OTUD7A: variants seen among roughly 807,000 people sequenced by gnomAD.
The protein encoded by OTUD7A is OTU deubiquitinase 7A.
Under a neutral mutation model 65.7 loss-of-function variants are expected in OTUD7A, and 12 were observed. The ratio of observed to expected loss-of-function variants is 0.18; its 90% CI spans 0.12 to 0.30. OTUD7A has a LOEUF of 0.30. Among genes scored for constraint, OTUD7A ranks in the 10% least tolerant of loss-of-function variants. The pLI is 1.00. For missense variants in OTUD7A, 1,148 were observed against 1,304.8 expected (o/e 0.88, Z 1.85); for synonymous variants, 641 against 586.3 (o/e 1.09, Z -1.35).
At chr15:31,710,422 C>T (rs1893412650) in intron 1 of OTUD7A, among the ~76,000 whole-genome samples, 1 of 150,720 alleles carries the variant, frequency 6.6e-6, no homozygotes, top group African/African-American at 2.4e-5. Context: ...ACCACTGGGC[C>T]ACCAGGACAT....
chr15:31,853,424 G>A (rs1266625602), intron 1 of OTUD7A, among the ~76,000 whole-genome samples: 1 of 152,200 alleles, frequency 6.6e-6, no homozygotes, highest in African/African-American at 2.4e-5. Flanking sequence ...CAAGGAGACA[G>A]ACACAACCAC....
chr15:31,581,769 G>A (rs1889380020), intron 3 of OTUD7A, among the ~76,000 whole-genome samples: 1 of 152,244 alleles, frequency 6.6e-6, no homozygotes, highest in Non-Finnish European at 1.5e-5. Flanking sequence ...CCTGTGATGG[G>A]AGAGGCTGCT....
chr15:31,730,857 T>C (rs556960774), intron 1 of OTUD7A, among the ~76,000 whole-genome samples: 1 of 152,270 alleles, frequency 6.6e-6, no homozygotes, highest in Non-Finnish European at 1.5e-5. Flanking sequence ...GTGATGGACA[T>C]GATGGAGGGA....
At chr15:31,785,930 T>C (rs929838421) in intron 1 of OTUD7A, among the ~76,000 whole-genome samples, 3 of 152,104 alleles carry the variant, frequency 2.0e-5, no homozygotes, top group African/African-American at 7.2e-5. Context: ...AACCTAATTC[T>C]CAATGTGGCA....
At chr15:31,693,627 C>T (rs1202810813) in intron 1 of OTUD7A, among the ~76,000 whole-genome samples, 1 of 152,116 alleles carries the variant, frequency 6.6e-6, no homozygotes, top group East Asian at 1.9e-4. Flanking sequence ...AGGGAGTGTG[C>T]TAACGCTGTG....
chr15:31,704,706 A>C (rs144598471), intron 1 of OTUD7A, among the ~76,000 whole-genome samples: 2,060 of 152,154 alleles, frequency 0.014, 56 homozygotes, highest in African/African-American at 0.048. Flanking sequence ...AAAGAAAATG[A>C]AGTCAGACCC....
At chr15:31,860,506 A>C (rs1215972192) in intron 1 of OTUD7A, among the ~76,000 whole-genome samples, 1 of 151,394 alleles carries the variant, frequency 6.6e-6, no homozygotes, top group Non-Finnish European at 1.5e-5. Flanking sequence ...AAAATAATGC[A>C]TGAGCTTCTC....
intron 3 of OTUD7A, among the ~76,000 whole-genome samples, chr15:31,619,511 GTATTT>G (rs1890707859): frequency 6.6e-6 from 1 of 151,820 alleles, no homozygotes; most frequent in Non-Finnish European, 1.5e-5. Context: ...GGATTCCTAG[GTATTT>G]TATTCTCTTT....
chr15:31,563,043 T>C (rs1235303228), intron 4 of OTUD7A, among the ~76,000 whole-genome samples: 1 of 152,192 alleles, frequency 6.6e-6, no homozygotes, highest in South Asian at 2.1e-4. Flanking sequence ...AATAGGATTA[T>C]GCTGGGATAG....
chr15:31,737,787 G>A (rs1894232272), intron 1 of OTUD7A, among the ~76,000 whole-genome samples: 1 of 152,190 alleles, frequency 6.6e-6, no homozygotes, highest in African/African-American at 2.4e-5. Flanking sequence ...CAGCATTCGA[G>A]AAAGAAATTA....
intron 1 of OTUD7A, among the ~76,000 whole-genome samples, chr15:31,856,399 TTTTTTTCATGAAAAA>T (rs1166500299): frequency 6.6e-6 from 1 of 152,086 alleles, no homozygotes; most frequent in Admixed American, 6.6e-5. Context: ...AATATTAGAT[TTTTTTTCATGAAAAA>T]TAAATAAGCA....
At chr15:31,648,514 G>A (rs1891743280) in intron 3 of OTUD7A, among the ~76,000 whole-genome samples, 1 of 152,160 alleles carries the variant, frequency 6.6e-6, no homozygotes, top group Non-Finnish European at 1.5e-5. Context: ...ATTTCTTCCT[G>A]AGGGGCCTGG....
intron 5 of OTUD7A, among the ~76,000 whole-genome samples, chr15:31,545,821 A>G (rs546502839): frequency 9.8e-5 from 15 of 152,336 alleles, no homozygotes; most frequent in African/African-American, 3.6e-4. Flanking sequence ...GACAACTGTT[A>G]TAATGCTGAA....
At chr15:31,829,734 G>C (rs1896885221) in intron 1 of OTUD7A, among the ~76,000 whole-genome samples, 1 of 152,162 alleles carries the variant, frequency 6.6e-6, no homozygotes, top group Non-Finnish European at 1.5e-5. Context: ...CATCCAAAAT[G>C]ATTCTGGCAC....
intron 3 of OTUD7A, among the ~76,000 whole-genome samples, chr15:31,638,375 T>C (rs1281166530): frequency 1.6e-5 from 2 of 122,516 alleles, no homozygotes; most frequent in East Asian, 2.9e-4. Context: ...AGTATAAAGA[T>C]AACTTTTTTT....
chr15:31,826,384 C>T (rs1465777526), intron 1 of OTUD7A, among the ~76,000 whole-genome samples: 1 of 152,242 alleles, frequency 6.6e-6, no homozygotes, highest in Non-Finnish European at 1.5e-5. Flanking sequence ...CACAGCAGAG[C>T]TCTGCGTTGG....
intron 3 of OTUD7A, among the ~76,000 whole-genome samples, chr15:31,588,866 A>G (rs1231388814): frequency 6.6e-6 from 1 of 152,204 alleles, no homozygotes; most frequent in African/African-American, 2.4e-5. Flanking sequence ...AGGGATTGCT[A>G]CTCAGAGGGG....
chr15:31,642,636 A>T (rs1377167153), intron 3 of OTUD7A, among the ~76,000 whole-genome samples: 1 of 151,838 alleles, frequency 6.6e-6, no homozygotes, highest in Non-Finnish European at 1.5e-5. Context: ...CTTTCAAATA[A>T]TTTGTGAATT....
At chr15:31,680,226 T>G (rs2338927) in intron 1 of OTUD7A, among the ~76,000 whole-genome samples, 25 of 152,324 alleles carry the variant, frequency 1.6e-4, no homozygotes, top group Admixed American at 3.9e-4. Context: ...ATTTTTTTAG[T>G]ATCTAAAATT....
Sources: allele counts gnomAD v4.1 joint callset (sites outside exome capture counted in the v4.1 genomes callset), GRCh38; gene constraint gnomAD v4.1.1; transcripts MANE v1.5; gene names NCBI Gene and HGNC (gene_info 2026-07-23, HGNC 2026-07-21).